The following CPQ variants were observed in gnomAD, a reference collection of about 807,000 sequenced individuals.
The protein encoded by CPQ is carboxypeptidase Q, also known as Ser-Met dipeptidase.
Under a neutral mutation model 45.7 loss-of-function variants are expected in CPQ, and 37 were observed. The observed-to-expected ratio is 0.81, with a 90% CI of 0.62 to 1.07. The LOEUF is 1.07. Ranked by LOEUF, CPQ falls within the 50% of genes least tolerant of loss-of-function variation. The pLI is 0.00. For synonymous variants in CPQ, 186 were observed against 205.8 expected, an observed-to-expected ratio of 0.90 and a Z score of 0.82; for missense variants, 537 against 572.9, an observed-to-expected ratio of 0.94 and a Z score of 0.64.
chr8:96,714,327 AT>A (rs1359301572), intron 1 of CPQ, among the ~76,000 whole-genome samples: 1 of 152,046 alleles, frequency 6.6e-6, no homozygotes, highest in African/African-American at 2.4e-5. Flanking sequence ...GACTTTGTTC[AT>A]TTCTTTTAAT....
At chr8:96,871,641 G>A (rs1431623801) in intron 3 of CPQ, among the ~76,000 whole-genome samples, 10 of 149,728 alleles carry the variant, frequency 6.7e-5, no homozygotes, top group Non-Finnish European at 1.3e-4. Context: ...TTAAGAGGGT[G>A]ACTGTAGTTT....
chr8:96,780,862 T>C (rs1392917557), intron 1 of CPQ, among the ~76,000 whole-genome samples: 1 of 152,036 alleles, frequency 6.6e-6, no homozygotes, highest in Non-Finnish European at 1.5e-5. Context: ...AAGGGCTCAA[T>C]ATATAGAAGC....
At chr8:96,771,720 G>A (rs1448325698) in intron 1 of CPQ, among the ~76,000 whole-genome samples, 1 of 152,130 alleles carries the variant, frequency 6.6e-6, no homozygotes, top group Non-Finnish European at 1.5e-5. Context: ...ACTGTTCTTT[G>A]GGTTATAAAG....
At chr8:97,075,590 G>A (rs1046601821) in intron 7 of CPQ, among the ~76,000 whole-genome samples, 3 of 127,856 alleles carry the variant, frequency 2.3e-5, no homozygotes, top group Non-Finnish European at 5.2e-5. Flanking sequence ...AAATTTCTAA[G>A]AAAAATATCT....
At chr8:96,798,303 G>T (rs1048980432) in intron 2 of CPQ, among the ~76,000 whole-genome samples, 1 of 151,500 alleles carries the variant, frequency 6.6e-6, no homozygotes, top group Non-Finnish European at 1.5e-5. Flanking sequence ...CTAATTTTTC[G>T]ATTTTTTTTA....
intron 1 of CPQ, among the ~76,000 whole-genome samples, chr8:96,696,308 G>A (rs1809381810): frequency 6.6e-6 from 1 of 151,852 alleles, no homozygotes; most frequent in Admixed American, 6.6e-5. Context: ...GGGGGAGTGG[G>A]GAGGGATAGC....
At chr8:96,879,626 A>G (rs1812192745) in intron 3 of CPQ, among the ~76,000 whole-genome samples, 172 bp from the exon 4 acceptor site, 1 of 152,234 alleles carries the variant, frequency 6.6e-6, no homozygotes, top group African/African-American at 2.4e-5. Flanking sequence ...CTTAACAAAA[A>G]ATAAAAATTA....
chr8:96,933,909 T>C (rs1813010470), intron 4 of CPQ, among the ~76,000 whole-genome samples: 1 of 152,232 alleles, frequency 6.6e-6, no homozygotes, highest in South Asian at 2.1e-4. Context: ...TTGGCTTCTC[T>C]GTGCCTCATC....
At chr8:96,757,774 T>C (rs937194826) in intron 1 of CPQ, among the ~76,000 whole-genome samples, 9 of 152,182 alleles carry the variant, frequency 5.9e-5, no homozygotes, top group Non-Finnish European at 8.8e-5. Flanking sequence ...TTTGAGGTTT[T>C]AGAGAGTTAT....
chr8:96,838,370 G>C (rs935005448), intron 3 of CPQ, among the ~76,000 whole-genome samples: 50 of 152,172 alleles, frequency 3.3e-4, no homozygotes, highest in African/African-American at 1.1e-3. Flanking sequence ...TGAGATCTGA[G>C]TTCTCTGCAG....
At chr8:96,758,057 G>GTT (rs1810349815) in intron 1 of CPQ, among the ~76,000 whole-genome samples, 1 of 152,184 alleles carries the variant, frequency 6.6e-6, no homozygotes, top group African/African-American at 2.4e-5. Flanking sequence ...TTTTTAAACT[G>GTT]TAAGGTTACA....
intron 4 of CPQ, among the ~76,000 whole-genome samples, chr8:96,936,348 A>G (rs888602742): frequency 6.6e-6 from 1 of 152,186 alleles, no homozygotes; most frequent in Non-Finnish European, 1.5e-5. Context: ...GTTCTTTTAT[A>G]TAATTTCTGA....
intron 1 of CPQ, among the ~76,000 whole-genome samples, chr8:96,783,859 A>C (rs1008522231): frequency 5.9e-5 from 9 of 152,310 alleles, no homozygotes; most frequent in African/African-American, 2.2e-4. Flanking sequence ...ACTATATTGG[A>C]CAGCATTGAA....
At chr8:96,889,430 CATTA>C in intron 4 of CPQ, among the ~76,000 whole-genome samples, 1 of 152,196 alleles carries the variant, frequency 6.6e-6, no homozygotes, top group East Asian at 1.9e-4. Flanking sequence ...AGAATTCATC[CATTA>C]ATTCTACAGG....
At chr8:97,012,069 T>G (rs1253377596) in intron 5 of CPQ, among the ~76,000 whole-genome samples, 3 of 152,220 alleles carry the variant, frequency 2.0e-5, no homozygotes, top group African/African-American at 4.8e-5. Context: ...CTTTTTACCC[T>G]TTTTGTCCTC....
chr8:96,693,502 A>G (rs561824369), intron 1 of CPQ, among the ~76,000 whole-genome samples: 11 of 152,356 alleles, frequency 7.2e-5, no homozygotes, highest in African/African-American at 2.6e-4. Context: ...GATCTCCAAT[A>G]CATCTGGCAG....
chr8:97,093,618 A>T (rs1811161368), intron 7 of CPQ, among the ~76,000 whole-genome samples: 1 of 152,186 alleles, frequency 6.6e-6, no homozygotes, highest in Admixed American at 6.5e-5. Flanking sequence ...AGTGGCATAG[A>T]TAACAGTGGA....
intron 1 of CPQ, among the ~76,000 whole-genome samples, chr8:96,769,142 G>T (rs1437450828): frequency 6.6e-6 from 1 of 152,180 alleles, no homozygotes; most frequent in African/African-American, 2.4e-5. Context: ...CCTTGTAATA[G>T]CTTTTTAATA....
At chr8:97,061,938 G>C (rs1451532505) in intron 6 of CPQ, among the ~76,000 whole-genome samples, 2 of 152,076 alleles carry the variant, frequency 1.3e-5, no homozygotes, top group African/African-American at 4.8e-5. Context: ...ACCCAGTCTG[G>C]ATCATTCAGA....
Sources: allele counts gnomAD v4.1 joint callset (sites outside exome capture counted in the v4.1 genomes callset), GRCh38; gene constraint gnomAD v4.1.1; transcripts MANE v1.5; gene names NCBI Gene and HGNC (gene_info 2026-07-23, HGNC 2026-07-21).